Variants in PLEKHG4B observed in about 807,000 individuals in gnomAD.
PLEKHG4B encodes pleckstrin homology domain-containing family G member 4B.
Under a neutral mutation model 121.3 loss-of-function variants are expected in PLEKHG4B, and 111 were observed. The ratio of observed to expected loss-of-function variants is 0.92; its 90% CI spans 0.78 to 1.07. The LOEUF (loss-of-function observed/expected upper bound fraction) is 1.07. Among genes scored for constraint, PLEKHG4B ranks in the 50% least tolerant of loss-of-function variants. The pLI, the probability that PLEKHG4B is intolerant of heterozygous loss-of-function variation, is 0.00. For missense variants in PLEKHG4B, 1,831 were observed against 1,757.8 expected (o/e 1.04, Z -0.74); for synonymous variants, 738 against 725.0 (o/e 1.02, Z -0.29).
At chr5:103,466 C>T (rs1320792190) in intron 1 of PLEKHG4B, among the ~76,000 whole-genome samples, 5 of 152,236 alleles carry the variant, frequency 3.3e-5, no homozygotes, top group Admixed American at 1.3e-4. Context: ...CCCAGTTTTC[C>T]CTGCATTTGT....
chr5:155,732 C>T (rs1432523537), intron 9 of PLEKHG4B, among the ~76,000 whole-genome samples: 1 of 152,188 alleles, frequency 6.6e-6, no homozygotes, highest in Non-Finnish European at 1.5e-5. Flanking sequence ...CAACAAGACA[C>T]AGAGGCGAAC....
chr5:133,941 C>CACAT (rs34900477), intron 2 of PLEKHG4B, among the ~76,000 whole-genome samples: 2,070 of 146,326 alleles, frequency 0.014, 68 homozygotes, highest in African/African-American at 0.049. Context: ...CACACACACA[C>CACAT]ATATATATAT....
At position 183,052 on chromosome 5, in the gene PLEKHG4B, G is replaced by A. The variant is rs944454517; in HGVS notation, c.*729G>A. The A allele has an allele frequency of 1.6e-4, 24 of 152,230 alleles. No individual in the cohort carries two copies. The highest frequency in any genetic ancestry group is 5.6e-4 in the African/African-American group (23 of 41,412). The allele number at this position is 152,230 out of a possible 1,614,324, so 9.4% of individuals were successfully genotyped here. A position where few individuals can be genotyped will look rare whatever the true frequency, so the allele number is the denominator to read the frequency against. On this transcript the variant is annotated 3_prime_UTR_variant, in exon 20 of 20. Transcript: ENST00000637938. ...ATTCCTGATACTCATGTGGGCTGGG[G>A]ACAGGACCCACTCCCACCAGCCAGA...
chr5:108,735 G>A (rs1434474296), intron 1 of PLEKHG4B, among the ~76,000 whole-genome samples: 1 of 146,758 alleles, frequency 6.8e-6, no homozygotes, highest in African/African-American at 2.6e-5. Context: ...AGATGGCTGG[G>A]TGTAGACAGA....
At chr5:120,464 C>T (rs149423065) in intron 2 of PLEKHG4B, among the ~76,000 whole-genome samples, 309 of 152,292 alleles carry the variant, frequency 2.0e-3, no homozygotes, top group African/African-American at 7.2e-3. Context: ...ATTAATCAAC[C>T]TTAAAACCAA....
Position 173,915 on chromosome 5 carries a change from C to A in PLEKHG4B, c.4222-3C>A. On this transcript the variant is annotated splice_region_variant and splice_polypyrimidine_tract_variant and intron_variant, in intron 17 of 19. Coordinates refer to ENST00000637938, the MANE Select transcript of PLEKHG4B (RefSeq NM_052909.5). ...TGCTGCAATGGGTGTTTGCTGACTG[C>A]AGACGGCCGAGATCGGGATGACAGA... 6.2e-7 allele frequency: 1 copy of A among 1,612,562 alleles called. No individual in the cohort carries two copies. Among genetic ancestry groups the A allele is most frequent in the Non-Finnish European group, 8.5e-7 (1 of 1,179,458 alleles).
At chr5:118,816 A>G (rs1170555987) in intron 2 of PLEKHG4B, among the ~76,000 whole-genome samples, 1 of 149,952 alleles carries the variant, frequency 6.7e-6, no homozygotes, top group African/African-American at 2.5e-5. Context: ...ATATATGATT[A>G]GAGGATATTG....
intron 1 of PLEKHG4B, among the ~76,000 whole-genome samples, chr5:107,597 G>T (rs1372766154): frequency 6.6e-6 from 1 of 152,232 alleles, no homozygotes; most frequent in Admixed American, 6.5e-5. Context: ...TCAGGGCGCT[G>T]CTGAGGGCTC....
At position 162,425 on chromosome 5, in the gene PLEKHG4B, CCT is replaced by C. The variant is rs1259496609; in HGVS notation, c.2650-291_2650-290del. Among the ~76,000 whole-genome samples the C allele has an allele frequency of 3.9e-5, 6 of 152,210 alleles. No homozygotes were observed. In the East Asian group the frequency reaches 9.6e-4, roughly 24 times the overall value. ...GGGTAGAGCCGTCTGCCCCGTCACG[CCT>C]CTCTCAGCTCACAGGATGTGGCATA... On this transcript the variant is annotated intron_variant, in intron 12 of 19. Transcript: ENST00000637938.
At position 161,428 on chromosome 5, in the gene PLEKHG4B, C is replaced by G. The variant is rs149491625; in HGVS notation, c.2488-355C>G. 1.6e-4 allele frequency among the ~76,000 whole-genome samples: 24 copies of G among 152,236 alleles called. 1 individual carries two copies. Among genetic ancestry groups the G allele is most frequent in the Admixed American group, 1.6e-3 (24 of 15,276 alleles). ...GAGGCCCGTGCCACCTCTCATCAGT[C>G]GTGTTCATTCACGGGTGGTTACGCA... On this transcript the variant is annotated intron_variant, in intron 11 of 19. Coordinates refer to ENST00000637938, the MANE Select transcript of PLEKHG4B (RefSeq NM_052909.5).
chr5:178,003 T>C (rs1039241435), intron 18 of PLEKHG4B, among the ~76,000 whole-genome samples: 5 of 151,562 alleles, frequency 3.3e-5, no homozygotes, highest in Non-Finnish European at 7.4e-5. Context: ...CCTAGGAAGT[T>C]GTAGGCATCC....
intron 7 of PLEKHG4B, among the ~76,000 whole-genome samples, chr5:153,551 G>C (rs923854526): frequency 6.6e-6 from 1 of 152,180 alleles, no homozygotes; most frequent in East Asian, 1.9e-4. Flanking sequence ...CACATACCGC[G>C]GGGCTTCTTC....
At chr5:97,426 A>T (rs1381575979) in intron 1 of PLEKHG4B, among the ~76,000 whole-genome samples, 2 of 152,140 alleles carry the variant, frequency 1.3e-5, no homozygotes, top group Non-Finnish European at 2.9e-5. Flanking sequence ...CCAAAGTCAA[A>T]ACCCCTTACC....
At position 162,990 on chromosome 5, in the gene PLEKHG4B, GC is replaced by G. The variant is rs1560941910; in HGVS notation, c.2924del (p.Pro975GlnfsTer10). ...PDPSLPPLAQ[S>X]PPKHERAQEA... ...CCCAGCTTACCGCCCCTTGCCCAGAGCCCCCCAAAGCATGAGCGTGCCCAGG... is the reference window on the plus strand; with the variant it reads ...CCCAGCTTACCGCCCCTTGCCCAGAGCCCCCAAAGCATGAGCGTGCCCAGG... On this transcript the variant is annotated frameshift_variant, in exon 13 of 20. Transcript: ENST00000637938. LOFTEE classifies it high-confidence loss of function. 17 of 1,567,118 alleles carry G rather than the reference GC, an allele frequency of 1.1e-5. No homozygotes were observed. Among genetic ancestry groups the G allele is most frequent in the Non-Finnish European group, 1.4e-5 (16 of 1,156,046 alleles).
rs764398776 is a variant in PLEKHG4B at position 169,526 on chromosome 5, C to T, written c.3663C>T (p.His1221=). The change falls in exon 14 of 20, where the codon CAC becomes CAT. Residue 1221 remains histidine, a synonymous_variant. Transcript: ENST00000637938. ...AGCTCCACGACTTCCACCAGCAGCA[C>T]TTCCTCCGGGAGCTGGAGCGCTGCC... ...LEKLHDFHQQ[H]FLRELERCQH... The T allele has an allele frequency of 6.2e-7, 1 of 1,614,094 alleles. No homozygotes were observed. Among genetic ancestry groups the T allele is most frequent in the Non-Finnish European group, 8.5e-7 (1 of 1,180,048 alleles).
chr5:93,129 T>A (rs930669256), intron 1 of PLEKHG4B, among the ~76,000 whole-genome samples: 3 of 152,148 alleles, frequency 2.0e-5, no homozygotes, highest in African/African-American at 7.2e-5. Context: ...TAATTAAGAA[T>A]TGAAACATAT....
rs1027711339 is a variant in PLEKHG4B at position 183,973 on chromosome 5, ATAGATAGATAGATAGATC to A, written c.*1651_*1668del. The A allele has an allele frequency of 7.8e-5, 5 of 64,318 alleles. No homozygotes were observed. The highest frequency in any genetic ancestry group is 3.1e-4 in the African/African-American group (5 of 16,226). The allele number at this position is 64,318 out of a possible 1,614,324, so 4.0% of individuals were successfully genotyped here. A position where few individuals can be genotyped will look rare whatever the true frequency, so the allele number is the denominator to read the frequency against. On this transcript the variant is annotated 3_prime_UTR_variant, in exon 20 of 20. Transcript: ENST00000637938. ...GATAGCTAGATATATATACAGACAG[ATAGATAGATAGATAGATC>A]GATAGATAGATAGATAGATAGATAG...
chr5:100,454 G>A (rs71597611), intron 1 of PLEKHG4B, among the ~76,000 whole-genome samples: 1 of 107,462 alleles, frequency 9.3e-6, no homozygotes, highest in Non-Finnish European at 1.8e-5. Flanking sequence ...GAAAAAGCCT[G>A]TAGGGGAGAG....
intron 1 of PLEKHG4B, among the ~76,000 whole-genome samples, chr5:99,841 A>G (rs1014199882): frequency 6.6e-6 from 1 of 152,076 alleles, no homozygotes; most frequent in Non-Finnish European, 1.5e-5. Flanking sequence ...TTCACCATTG[A>G]GTATATTAGC....
Sources: allele counts gnomAD v4.1 joint callset (sites outside exome capture counted in the v4.1 genomes callset), GRCh38; gene constraint gnomAD v4.1.1; transcripts MANE v1.5; gene names NCBI Gene and HGNC (gene_info 2026-07-23, HGNC 2026-07-21).